The following ERBIN variants were observed in gnomAD, a reference collection of about 807,000 sequenced individuals.
ERBIN encodes erbb2 interacting protein.
Under a neutral mutation model 158.4 loss-of-function variants are expected in ERBIN, and 60 were observed. That is an observed-to-expected ratio of 0.38 (90% CI 0.31 to 0.47). ERBIN has a LOEUF of 0.47. Ranked by LOEUF, ERBIN falls within the 20% of genes least tolerant of loss-of-function variation. The pLI, the probability that ERBIN is intolerant of heterozygous loss-of-function variation, is 0.99. For synonymous variants in ERBIN, 594 were observed against 557.2 expected (o/e 1.07, Z -0.93); for missense variants, 1,610 against 1,648.0 (o/e 0.98, Z 0.40).
At chr5:66,055,252 C>A in intron 21 of ERBIN, 1 of 340,096 alleles carries the variant, frequency 2.9e-6, no homozygotes, top group Non-Finnish European at 4.5e-6. Flanking sequence ...CTCTGTTCAG[C>A]ATTTTCTGAA....
intron 4 of ERBIN, among the ~76,000 whole-genome samples, chr5:66,004,537 T>C (rs1239040536): frequency 6.6e-6 from 1 of 152,200 alleles, no homozygotes; most frequent in African/African-American, 2.4e-5. Context: ...TAGCTGAGAC[T>C]ACAGGTGCAG....
At chr5:66,074,852 CTTAT>C (rs1274499618) in intron 22 of ERBIN, among the ~76,000 whole-genome samples, 168 bp from the exon 23 acceptor site, 4 of 152,252 alleles carry the variant, frequency 2.6e-5, no homozygotes, top group African/African-American at 9.6e-5. Context: ...ACATTAATAG[CTTAT>C]TTCTTTTAAG....
At chr5:66,069,154 G>A in intron 21 of ERBIN, 1 of 753,334 alleles carries the variant, frequency 1.3e-6, no homozygotes, top group Non-Finnish European at 2.0e-6. Flanking sequence ...GTTCTTCCAT[G>A]GCTTAGTTCT....
intron 7 of ERBIN, among the ~76,000 whole-genome samples, chr5:66,018,593 A>ATATAAT (rs1755306506): frequency 1.2e-4 from 1 of 8,674 alleles, no homozygotes; most frequent in South Asian, 4.6e-3. Context: ...ATATTATATA[A>ATATAAT]TATATATTAT....
chr5:66,018,593 A>T (rs6863785), intron 7 of ERBIN, among the ~76,000 whole-genome samples: 3,711 of 8,606 alleles, frequency 0.43, 1,533 homozygotes, highest in Non-Finnish European at 0.5. Flanking sequence ...ATATTATATA[A>T]TATATATTAT....
At chr5:66,002,940 T>C (rs1389614298) in intron 4 of ERBIN, among the ~76,000 whole-genome samples, 1 of 152,240 alleles carries the variant, frequency 6.6e-6, no homozygotes, top group Non-Finnish European at 1.5e-5. Flanking sequence ...TGTCCATGTT[T>C]AGACTGGTGA....
intron 4 of ERBIN, among the ~76,000 whole-genome samples, chr5:65,995,849 T>C (rs980595981): frequency 9.9e-5 from 15 of 152,226 alleles, no homozygotes; most frequent in Non-Finnish European, 2.9e-5. Context: ...AATTTGCATT[T>C]CTCTGGTGAT....
intron 1 of ERBIN, among the ~76,000 whole-genome samples, chr5:65,967,700 C>A (rs747234447): frequency 2.3e-4 from 35 of 152,190 alleles, no homozygotes; most frequent in Non-Finnish European, 8.8e-5. Flanking sequence ...AACAAAGATG[C>A]CTTTGGTTAA....
rs753707079 is a variant in ERBIN, at chr5:65,984,361, G to A, written c.-57-4274G>A. On this transcript the variant is annotated intron_variant, in intron 1 of 25. Transcript: ENST00000284037. ...CTGGATGGGCTTCACTAGGGGCCCC[G>A]TCTGTGCACTGGGCCCGTTTCCCCT... Among the ~76,000 whole-genome samples the A allele has an allele frequency of 3.1e-4, 47 of 152,172 alleles. 1 individual carries two copies. The highest frequency in any genetic ancestry group is 3.3e-4 in the Admixed American group (5 of 15,284).
chr5:65,965,824 T>C (rs185680889), intron 1 of ERBIN, among the ~76,000 whole-genome samples: 107 of 152,336 alleles, frequency 7.0e-4, no homozygotes, highest in African/African-American at 2.6e-3. Context: ...ATTTTCCTTA[T>C]CATTTACTAT....
chr5:65,989,090 A>G (rs1022289067), intron 2 of ERBIN, among the ~76,000 whole-genome samples: 6 of 149,518 alleles, frequency 4.0e-5, no homozygotes, highest in African/African-American at 1.5e-4. Flanking sequence ...GTTACTTCTG[A>G]TTTATAAAGT....
At chr5:65,991,422 C>CT (rs1751854129) in intron 2 of ERBIN, among the ~76,000 whole-genome samples, 1 of 152,134 alleles carries the variant, frequency 6.6e-6, no homozygotes, top group South Asian at 2.1e-4. Flanking sequence ...ATAGAATCTT[C>CT]TGACTACAGT....
At position 66,054,539 on chromosome 5, in the gene ERBIN, T is replaced by C; in HGVS notation, c.3221T>C (p.Ile1074Thr). ...RLIPAVTRST[I>T]QRQSSVSSTA... ...ATTCCTGCAGTAACTCGAAGTACAA[T>C]CCAGCGACAAAGTAGTGTGTCCTCC... The change falls in exon 21 of 26, where the codon ATC becomes ACC. Residue 1074 changes from isoleucine (I) to threonine (T), a missense_variant. Ile to Thr is a moderately conservative substitution (Grantham distance 89, BLOSUM62 -1). Coordinates refer to ENST00000284037, the MANE Select transcript of ERBIN (RefSeq NM_001253697.2). The C allele has an allele frequency of 6.2e-7, 1 of 1,614,156 alleles. No homozygotes were observed.
intron 1 of ERBIN, among the ~76,000 whole-genome samples, chr5:65,974,517 T>C (rs1364516677): frequency 6.6e-6 from 1 of 152,130 alleles, no homozygotes; most frequent in Non-Finnish European, 1.5e-5. Flanking sequence ...TTTAAGTAGA[T>C]TGATACCCTG....
At chr5:65,941,168 C>T (rs1396495410) in intron 1 of ERBIN, among the ~76,000 whole-genome samples, 2 of 152,074 alleles carry the variant, frequency 1.3e-5, no homozygotes, top group African/African-American at 2.4e-5. Context: ...TACCCAGGGA[C>T]ACAAACACTG....
At chr5:65,931,232 A>G (rs773516824) in intron 1 of ERBIN, among the ~76,000 whole-genome samples, 3 of 152,354 alleles carry the variant, frequency 2.0e-5, no homozygotes, top group East Asian at 3.9e-4. Context: ...TTCAGAGCCC[A>G]TTTACTTATG....
intron 5 of ERBIN, among the ~76,000 whole-genome samples, chr5:66,012,908 AT>A (rs1357139317): frequency 6.6e-6 from 1 of 152,214 alleles, no homozygotes. Flanking sequence ...ATAAAATCGT[AT>A]AATCTTAAAA....
chr5:66,026,592 C>A (rs979118968), intron 13 of ERBIN, among the ~76,000 whole-genome samples, 175 bp downstream of exon 13: 1 of 151,860 alleles, frequency 6.6e-6, no homozygotes, highest in Non-Finnish European at 1.5e-5. Context: ...AAACAACATA[C>A]AATGAAATCA....
chr5:65,975,481 T>C (rs1405670913), intron 1 of ERBIN, among the ~76,000 whole-genome samples: 1 of 152,142 alleles, frequency 6.6e-6, no homozygotes, highest in Admixed American at 6.5e-5. Context: ...AATTTTTGCA[T>C]TTTTAGTAGA....
Sources: allele counts gnomAD v4.1 joint callset (sites outside exome capture counted in the v4.1 genomes callset), GRCh38; gene constraint gnomAD v4.1.1; transcripts MANE v1.5; gene names NCBI Gene and HGNC (gene_info 2026-07-23, HGNC 2026-07-21).